The following BNC2 variants were observed in gnomAD, a reference collection of about 807,000 sequenced individuals.
The protein encoded by BNC2 is basonuclin zinc finger protein 2.
BNC2 carries 20 observed loss-of-function variants against 76.3 expected under a neutral mutation model. The observed-to-expected ratio is 0.26, with a 90% CI of 0.18 to 0.38. The LOEUF (loss-of-function observed/expected upper bound fraction) is 0.38, where lower values mean the gene tolerates loss of function less well. Ranked by LOEUF, BNC2 falls within the 10% of genes least tolerant of loss-of-function variation. BNC2 has a pLI of 1.00. For synonymous variants in BNC2, 582 were observed against 514.8 expected (o/e 1.13, Z -1.77); for missense variants, 1,382 against 1,399.8 (o/e 0.99, Z 0.20).
intron 5 of BNC2, among the ~76,000 whole-genome samples, chr9:16,510,797 G>A (rs7848696): frequency 0.11 from 16,938 of 152,148 alleles, 1,252 homozygotes; most frequent in East Asian, 0.31. Context: ...TGCCAGGGTG[G>A]TATTTGGTGC....
intron 3 of BNC2, among the ~76,000 whole-genome samples, chr9:16,695,531 C>CTTACT (rs1563902861): frequency 9.3e-6 from 1 of 107,824 alleles, no homozygotes; most frequent in African/African-American, 3.3e-5. Context: ...TTTTCTTTTT[C>CTTACT]TTTCTTTTTT....
At chr9:16,698,971 TA>T (rs1823427885) in intron 3 of BNC2, among the ~76,000 whole-genome samples, 1 of 152,248 alleles carries the variant, frequency 6.6e-6, no homozygotes, top group Non-Finnish European at 1.5e-5. Context: ...AAGTTGTATT[TA>T]AAAGTTTTAA....
intron 1 of BNC2, among the ~76,000 whole-genome samples, chr9:16,779,132 AAAG>A (rs1323342532): frequency 2.7e-5 from 3 of 110,802 alleles, no homozygotes; most frequent in Admixed American, 8.6e-5. Context: ...AAAAAAAAAA[AAAG>A]AAAAGAAAAG....
intron 3 of BNC2, among the ~76,000 whole-genome samples, chr9:16,639,284 A>G (rs1345946529): frequency 6.6e-6 from 1 of 152,008 alleles, no homozygotes; most frequent in Non-Finnish European, 1.5e-5. Context: ...GGTCTCTGTT[A>G]AGCAATGGAA....
intron 5 of BNC2, among the ~76,000 whole-genome samples, chr9:16,508,482 C>T (rs373773988): frequency 1.1e-4 from 17 of 152,318 alleles, no homozygotes; most frequent in African/African-American, 3.8e-4. Context: ...CCCTACAAGA[C>T]GTTCAAGCCA....
intron 1 of BNC2, among the ~76,000 whole-genome samples, chr9:16,854,932 G>C (rs1373380443): frequency 3.3e-5 from 5 of 151,948 alleles, no homozygotes; most frequent in African/African-American, 1.2e-4. Context: ...CTCTATAGGA[G>C]GAGAAGACCC....
intron 1 of BNC2, among the ~76,000 whole-genome samples, chr9:16,798,143 C>T (rs1817700494): frequency 6.6e-6 from 1 of 152,154 alleles, no homozygotes; most frequent in Non-Finnish European, 1.5e-5. Context: ...TTCTAAATTT[C>T]TGCCAAGTAA....
chr9:16,633,757 G>A (rs1179717475), intron 3 of BNC2, among the ~76,000 whole-genome samples: 3 of 151,558 alleles, frequency 2.0e-5, no homozygotes, highest in Admixed American at 2.0e-4. Context: ...GCAAACTAAG[G>A]TATGTTTATT....
chr9:16,479,167 G>T (rs1821991655), intron 5 of BNC2, among the ~76,000 whole-genome samples: 1 of 151,122 alleles, frequency 6.6e-6, no homozygotes, highest in Admixed American at 6.6e-5. Flanking sequence ...CAGGAGAACT[G>T]CTTGAATCTG....
chr9:16,740,958 T>C (rs1587369505), intron 1 of BNC2, among the ~76,000 whole-genome samples: 1 of 152,132 alleles, frequency 6.6e-6, no homozygotes, highest in Admixed American at 6.5e-5. Context: ...AGAAAACCAA[T>C]TTATTACCAA....
At chr9:16,441,718 G>A (rs918947666) in intron 5 of BNC2, among the ~76,000 whole-genome samples, 3 of 152,282 alleles carry the variant, frequency 2.0e-5, no homozygotes, top group African/African-American at 4.8e-5. Flanking sequence ...TTTGGGACAA[G>A]TGGACACTGC....
At chr9:16,611,375 A>G (rs992630758) in intron 3 of BNC2, among the ~76,000 whole-genome samples, 2 of 152,120 alleles carry the variant, frequency 1.3e-5, no homozygotes, top group African/African-American at 4.8e-5. Context: ...TTATCTGGAA[A>G]ACGGCTGTAA....
intron 5 of BNC2, among the ~76,000 whole-genome samples, chr9:16,486,257 A>G (rs1304619676): frequency 6.6e-6 from 1 of 152,262 alleles, no homozygotes; most frequent in Non-Finnish European, 1.5e-5. Context: ...AAATGAAGTC[A>G]GAGGAAAATG....
chr9:16,535,711 A>C (rs569648265), intron 5 of BNC2, among the ~76,000 whole-genome samples: 1 of 152,286 alleles, frequency 6.6e-6, no homozygotes, highest in Admixed American at 6.5e-5. Flanking sequence ...ACTGGTCCCC[A>C]AATTGCTCAT....
chr9:16,461,525 T>TA (rs1563794570), intron 5 of BNC2, among the ~76,000 whole-genome samples: 1 of 151,064 alleles, frequency 6.6e-6, no homozygotes. Context: ...CACAGATACT[T>TA]AGACTCTTAA....
intron 1 of BNC2, among the ~76,000 whole-genome samples, chr9:16,781,243 G>GATGATCTGGATTC (rs1478516120): frequency 2.2e-4 from 1 of 4,484 alleles, no homozygotes; most frequent in Non-Finnish European, 5.0e-4. Flanking sequence ...CCAAAGGTCT[G>GATGATCTGGATTC]AAGATCAGGG....
intron 5 of BNC2, among the ~76,000 whole-genome samples, chr9:16,513,174 T>C (rs1317743884): frequency 6.6e-6 from 1 of 151,754 alleles, no homozygotes; most frequent in African/African-American, 2.4e-5. Flanking sequence ...AATAATGAAA[T>C]AAAGTGTTCA....
chr9:16,754,315 T>C (rs1047588411), intron 1 of BNC2, among the ~76,000 whole-genome samples: 28 of 152,280 alleles, frequency 1.8e-4, no homozygotes, highest in African/African-American at 2.6e-4. Context: ...CTAAAGTGTC[T>C]CTGGATAAGA....
chr9:16,560,051 G>T (rs1033574453), intron 4 of BNC2, among the ~76,000 whole-genome samples: 1 of 152,204 alleles, frequency 6.6e-6, no homozygotes, highest in African/African-American at 2.4e-5. Flanking sequence ...AACTAAGGCA[G>T]TGATTCTCAC....
Sources: gnomAD v4.1 joint callset for allele counts (sites outside exome capture counted in the v4.1 genomes callset) on GRCh38, gnomAD v4.1.1 for gene constraint, MANE v1.5 for transcripts, NCBI Gene and HGNC (gene_info 2026-07-23, HGNC 2026-07-21) for gene names.